Variants in CCSER1 observed in about 807,000 individuals in gnomAD.
CCSER1 encodes coiled-coil serine rich protein 1, also known as serine-rich coiled-coil domain-containing protein 1.
Under a neutral mutation model 82.0 loss-of-function variants are expected in CCSER1, and 41 were observed. The observed-to-expected ratio is 0.50, with a 90% confidence interval of 0.39 to 0.65. The LOEUF (loss-of-function observed/expected upper bound fraction) is 0.65. CCSER1 is among the 30% of genes least tolerant of loss of function. CCSER1 has a pLI of 0.00. For synonymous variants in CCSER1, 414 were observed against 383.9 expected (o/e 1.08, Z -0.92); for missense variants, 1,119 against 1,064.2 (o/e 1.05, Z -0.72).
At chr4:91,510,932 GT>G (rs1363708966) in intron 10 of CCSER1, among the ~76,000 whole-genome samples, 2 of 152,014 alleles carry the variant, frequency 1.3e-5, no homozygotes, top group Non-Finnish European at 2.9e-5. Flanking sequence ...TGTGTTCTAG[GT>G]TTTCTTCTAG....
intron 1 of CCSER1, among the ~76,000 whole-genome samples, chr4:90,235,688 T>C (rs1308515574): frequency 4.6e-5 from 7 of 152,126 alleles, no homozygotes; most frequent in Admixed American, 3.3e-4. Flanking sequence ...CCAAGAGTGG[T>C]TTCAGTGTGC....
intron 5 of CCSER1, among the ~76,000 whole-genome samples, chr4:90,550,933 A>G (rs1777397908): frequency 6.6e-6 from 1 of 152,128 alleles, no homozygotes; most frequent in South Asian, 2.1e-4. Flanking sequence ...AATTCATGCT[A>G]CCGTCATTCT....
intron 9 of CCSER1, among the ~76,000 whole-genome samples, chr4:90,987,336 T>C (rs962993300): frequency 2.0e-5 from 3 of 151,440 alleles, no homozygotes; most frequent in Non-Finnish European, 3.0e-5. Flanking sequence ...TTCATGTGAC[T>C]ATTTTACAAT....
intron 7 of CCSER1, among the ~76,000 whole-genome samples, chr4:90,750,039 C>G (rs1411214051): frequency 6.6e-6 from 1 of 152,060 alleles, no homozygotes; most frequent in African/African-American, 2.4e-5. Context: ...TCTCTGATGG[C>G]CAGTGATGGT....
chr4:91,548,180 A>C (rs1039488935), intron 10 of CCSER1, among the ~76,000 whole-genome samples: 2 of 152,186 alleles, frequency 1.3e-5, no homozygotes, highest in African/African-American at 4.8e-5. Context: ...TGGTTGCGCT[A>C]AAGTTTGCAA....
intron 10 of CCSER1, among the ~76,000 whole-genome samples, chr4:91,256,653 G>C (rs1276902301): frequency 6.6e-6 from 1 of 152,128 alleles, no homozygotes; most frequent in Non-Finnish European, 1.5e-5. Flanking sequence ...TGAAATATTA[G>C]GGGCTGGTTC....
chr4:91,246,454 G>A (rs569628039), intron 10 of CCSER1, among the ~76,000 whole-genome samples: 2 of 152,218 alleles, frequency 1.3e-5, no homozygotes, highest in South Asian at 4.2e-4. Context: ...ACGGAAGGAA[G>A]GAAAGACAGG....
At chr4:91,103,732 AC>A (rs1256772132) in intron 10 of CCSER1, among the ~76,000 whole-genome samples, 2 of 152,192 alleles carry the variant, frequency 1.3e-5, no homozygotes, top group Admixed American at 1.3e-4. Context: ...TGTTAACTGT[AC>A]AAATTGATTG....
chr4:90,687,723 A>G (rs1735074062), intron 6 of CCSER1, among the ~76,000 whole-genome samples: 1 of 152,086 alleles, frequency 6.6e-6, no homozygotes, highest in Admixed American at 6.6e-5. Context: ...CAGCATTCAA[A>G]CCATACAACA....
At chr4:90,512,576 G>C (rs1159112756) in intron 5 of CCSER1, among the ~76,000 whole-genome samples, 1 of 152,068 alleles carries the variant, frequency 6.6e-6, no homozygotes, top group Non-Finnish European at 1.5e-5. Context: ...AATGAGGATA[G>C]AAATGACATG....
chr4:91,218,433 A>G (rs4693270), intron 10 of CCSER1, among the ~76,000 whole-genome samples: 94,540 of 152,042 alleles, frequency 0.62, 30,066 homozygotes, highest in East Asian at 0.93. Context: ...CAGTGGGGGC[A>G]CTGAAGGGCT....
chr4:91,594,412 C>T (rs935851968), intron 10 of CCSER1, among the ~76,000 whole-genome samples: 1 of 120,282 alleles, frequency 8.3e-6, no homozygotes, highest in Non-Finnish European at 1.9e-5. Flanking sequence ...CATATATACA[C>T]ATATATATAC....
chr4:91,042,686 T>C (rs1045060033), intron 9 of CCSER1, among the ~76,000 whole-genome samples: 5 of 152,156 alleles, frequency 3.3e-5, no homozygotes, highest in Non-Finnish European at 5.9e-5. Context: ...GAAACAGGAT[T>C]CTCAGGAATT....
intron 1 of CCSER1, among the ~76,000 whole-genome samples, chr4:90,157,754 T>A (rs1728548115): frequency 6.6e-6 from 1 of 152,168 alleles, no homozygotes; most frequent in Admixed American, 6.5e-5. Flanking sequence ...TCTGTATTGG[T>A]TATTCTAGTT....
At chr4:91,359,160 C>A (rs923913474) in intron 10 of CCSER1, among the ~76,000 whole-genome samples, 1 of 149,688 alleles carries the variant, frequency 6.7e-6, no homozygotes, top group African/African-American at 2.4e-5. Flanking sequence ...TGGTATGTGA[C>A]AGGGGCTGCA....
intron 1 of CCSER1, among the ~76,000 whole-genome samples, chr4:90,271,850 ATATATATATATATTTTTTTTTTT>A (rs1278202444): frequency 3.5e-4 from 8 of 23,140 alleles, no homozygotes; most frequent in African/African-American, 3.3e-3. Context: ...ATATATATAT[ATATATATATATATTTTTTTTTTT>A]TTTTTTTTTT....
At chr4:90,378,074 A>G (rs1165311557) in intron 3 of CCSER1, among the ~76,000 whole-genome samples, 1 of 152,128 alleles carries the variant, frequency 6.6e-6, no homozygotes, top group South Asian at 2.1e-4. Flanking sequence ...TATTTATGGA[A>G]CATGTATTAT....
At chr4:91,594,948 C>T (rs1386616939) in intron 10 of CCSER1, among the ~76,000 whole-genome samples, 6 of 151,870 alleles carry the variant, frequency 4.0e-5, no homozygotes, top group Non-Finnish European at 8.8e-5. Context: ...CTGCCTCAAA[C>T]AAATACACTT....
chr4:91,508,428 T>G (rs190590137), intron 10 of CCSER1, among the ~76,000 whole-genome samples: 43 of 151,862 alleles, frequency 2.8e-4, no homozygotes, highest in Middle Eastern at 3.4e-3. Context: ...TTTTAGAAAA[T>G]TTTTACATCC....
Sources: allele counts gnomAD v4.1 joint callset (sites outside exome capture counted in the v4.1 genomes callset), GRCh38; gene constraint gnomAD v4.1.1; transcripts MANE v1.5; gene names NCBI Gene and HGNC (gene_info 2026-07-23, HGNC 2026-07-21).